The following MUC4 variants were observed in gnomAD, a reference collection of about 807,000 sequenced individuals.
The protein encoded by MUC4 is mucin-4.
MUC4 carries 202 observed loss-of-function variants against 257.9 expected under a neutral mutation model. The ratio of observed to expected loss-of-function variants is 0.78; its 90% confidence interval spans 0.70 to 0.88. The LOEUF (loss-of-function observed/expected upper bound fraction) is 0.88. MUC4 is among the 40% of genes least tolerant of loss of function. The pLI, the probability that MUC4 is intolerant of heterozygous loss-of-function variation, is 0.00. For synonymous variants in MUC4, 2,351 were observed against 2,757.1 expected, an observed-to-expected ratio of 0.85 and a Z score of 4.62; for missense variants, 5,976 against 6,513.7, an observed-to-expected ratio of 0.92 and a Z score of 2.84.
chr3:195,754,842 CATGT>C (rs982770435), intron 18 of MUC4, among the ~76,000 whole-genome samples: 13 of 151,332 alleles, frequency 8.6e-5, no homozygotes, highest in Middle Eastern at 3.2e-3. Context: ...GTGTATGTAT[CATGT>C]ATGTATCCAT....
intron 1 of MUC4, among the ~76,000 whole-genome samples, chr3:195,802,783 T>G (rs1735511995): frequency 6.6e-6 from 1 of 152,192 alleles, no homozygotes; most frequent in Non-Finnish European, 1.5e-5. Context: ...GCCAAGGGAT[T>G]TCTCGTTTCT....
At chr3:195,770,124 C>T in intron 6 of MUC4, 92 bp downstream of exon 6, 7 of 1,289,346 alleles carry the variant, frequency 5.4e-6, no homozygotes, top group Non-Finnish European at 7.2e-6. Flanking sequence ...TTCCTAGAGC[C>T]AGAGAGGATT....
At chr3:195,769,348 C>T (rs995664358) in intron 6 of MUC4, 196 bp from the exon 7 acceptor site, 9 of 678,230 alleles carry the variant, frequency 1.3e-5, no homozygotes, top group South Asian at 2.2e-5. Flanking sequence ...TGGGTGCGAA[C>T]GCACTTACCA....
intron 12 of MUC4, among the ~76,000 whole-genome samples, 157 bp from the exon 13 acceptor site, chr3:195,763,102 G>A (rs528911504): frequency 1.3e-5 from 2 of 152,384 alleles, no homozygotes; most frequent in East Asian, 1.9e-4. Context: ...GCCGTCTACC[G>A]TGTGCTCGGC....
rs201542091 is a variant in MUC4 at position 195,779,516 on chromosome 3, G to C, written c.12064C>G (p.Pro4022Ala). Residue 4022 changes from proline to alanine, a missense_variant, in exon 2 of 25, where the codon CCT becomes GCT. This residue lies in a region of MUC4 where 293 missense variants were observed against 294.5 expected (regional missense o/e 1.00). Coordinates refer to ENST00000463781, the MANE Select transcript of MUC4 (RefSeq NM_018406.7). ...GHATPLPVTS[P>A]SSASTGHATP... ...GCGTGACCTGTGGATGCTGAGGAAG[G>C]GCTGGTGACAGGAAGAGGGGTGGCG... 9.0e-5 allele frequency: 88 copies of C among 976,100 alleles called. 18 individuals carry two copies. In the African/African-American group the frequency reaches 1.7e-3, roughly 19 times the overall value. 60.5% of individuals were successfully genotyped at this position (976,100 alleles called of 1,614,324 possible).
At chr3:195,804,917 C>A (rs2550255) in intron 1 of MUC4, among the ~76,000 whole-genome samples, 1 of 151,824 alleles carries the variant, frequency 6.6e-6, no homozygotes, top group Non-Finnish European at 1.5e-5. Flanking sequence ...GAATAACAGA[C>A]CTCTTGTGAT....
Position 195,788,958 on chromosome 3 carries a change from G to T in MUC4, c.2622C>A (p.Pro874=). ...ASSIVPGTFH[P]TLSEASTAGR... ...CTGCAGTGGAGGCCTCAGAGAGGGT[G>T]GGATGAAAGGTGCCGGGGACGATCG... The change falls in exon 2 of 25, where the codon CCC becomes CCA. Residue 874 remains proline (P), a synonymous_variant. Transcript: ENST00000463781. 6.2e-7 allele frequency: 1 copy of T among 1,613,642 alleles called. No homozygotes were observed. The highest frequency in any genetic ancestry group is 8.5e-7 in the Non-Finnish European group (1 of 1,179,742).
intron 7 of MUC4, among the ~76,000 whole-genome samples, chr3:195,767,921 GCCACCT>G (rs1721911584): frequency 1.5e-5 from 1 of 65,960 alleles, no homozygotes; most frequent in Non-Finnish European, 3.3e-5. Flanking sequence ...CATCGCCACT[GCCACCT>G]CCACCGCCAC....
Position 195,791,172 on chromosome 3 carries a change from C to A in MUC4, c.408G>T (p.Lys136Asn). ...CTGTGGAGGTTGTCATTGTTATAGT[C>A]TTTGATGTCATCATGAGTGTGTTGG... is the stretch of plus-strand genomic sequence containing the variant. The part of the protein sequence containing the change: ...SVTNTLMMTS[K>N]TITMTTSTDS... Residue 136 changes from lysine to asparagine, a missense_variant, in exon 2 of 25, where the codon AAG (lysine) becomes AAT (asparagine). Around this residue, in one of 44 missense-constraint regions of MUC4, gnomAD observed 1,583 missense variants for 1,257.4 expected, o/e 1.26. Coordinates refer to ENST00000463781, the MANE Select transcript of MUC4 (RefSeq NM_018406.7). The A allele has an allele frequency of 6.2e-7, 1 of 1,613,858 alleles. No homozygotes were observed. Among genetic ancestry groups the A allele is most frequent in the South Asian group, 1.1e-5 (1 of 91,082 alleles).
chr3:195,780,485 C>A lies in MUC4; in HGVS notation c.11095G>T (p.Val3699Phe), dbSNP rs1727084477. 1 of 1,527,970 alleles carries A rather than the reference C, an allele frequency of 6.5e-7. No individual in the cohort carries two copies. 94.7% of individuals were successfully genotyped at this position (1,527,970 alleles called of 1,614,324 possible). The stretch of plus-strand genomic sequence containing the variant: ...GAGGATGATGAGGAAGGGATGGTGA[C>A]AGGAAGAGGGGTGGCCTGACCTGTG... ...ASTGQATPLP[V>F]TIPSSSSSGH... Residue 3699 changes from valine (V) to phenylalanine (F), a missense_variant, in exon 2 of 25, where the codon GTC becomes TTC. By Grantham distance (50) the Val-to-Phe change is conservative. This residue lies in a region of MUC4 where 330 missense variants were observed against 262.0 expected (regional missense o/e 1.26). Transcript: ENST00000463781.
Position 195,747,226 on chromosome 3 carries a change from A to G in MUC4, c.16189T>C (p.Ser5397Pro). Residue 5397 changes from serine to proline, a missense_variant, in exon 25 of 25, where the codon TCC (serine) becomes CCC (proline). Ser to Pro is a moderately conservative substitution (Grantham distance 74). This residue lies in a region of MUC4 where 310 missense variants were observed against 242.1 expected (regional missense o/e 1.28). Coordinates refer to ENST00000463781, the MANE Select transcript of MUC4 (RefSeq NM_018406.7). ...TFVVLRFWGCSGARFSYFLNS... is the reference protein window; with the variant it reads ...TFVVLRFWGCPGARFSYFLNS... ...AGGAAATAGGAGAACCTGGCCCCGG[A>G]GCAACCCCAGAAGCGCAGGACCACG... 6.2e-7 allele frequency: 1 copy of G among 1,614,268 alleles called. No individual in the cohort carries two copies. Among genetic ancestry groups the G allele is most frequent in the Non-Finnish European group, 8.5e-7 (1 of 1,180,046 alleles).
intron 5 of MUC4, chr3:195,770,875 A>AC (rs1257741402): frequency 4.4e-6 from 2 of 456,986 alleles, no homozygotes; most frequent in Admixed American, 4.7e-5. Context: ...GTTAGGATAG[A>AC]CCCCCTACAG....
rs1040858072 is a variant in MUC4, at chr3:195,755,202, C to CT, written c.15169-831dup. 2.8e-4 allele frequency among the ~76,000 whole-genome samples: 41 copies of CT among 145,548 alleles called. No homozygotes were observed. Among genetic ancestry groups the CT allele is most frequent in the Non-Finnish European group, 3.7e-4 (24 of 65,660 alleles). On this transcript the variant is annotated intron_variant, in intron 18 of 24. Transcript: ENST00000463781. This position sits in a 1 kb window ranked among gnomAD's most constrained non-coding sequence, Gnocchi z 5.0. ...CACTAATTTTTGTATTTTTCTTCTG[C>CT]TTTTTTTTTTAATGAGACAGTCTCG... is the stretch of plus-strand genomic sequence containing the variant.
intron 1 of MUC4, among the ~76,000 whole-genome samples, chr3:195,805,217 C>T (rs1348622292): frequency 1.3e-5 from 2 of 152,116 alleles, no homozygotes; most frequent in Non-Finnish European, 2.9e-5. Context: ...CCAACGATCC[C>T]CGCCGAAGTC....
intron 7 of MUC4, among the ~76,000 whole-genome samples, chr3:195,767,445 C>T (rs1423586263): frequency 1.4e-5 from 2 of 146,982 alleles, no homozygotes; most frequent in Admixed American, 1.4e-4. Context: ...TCACCATCAC[C>T]ACCACCACCA....
At chr3:195,770,704 T>A in intron 5 of MUC4, 1 of 431,870 alleles carries the variant, frequency 2.3e-6, no homozygotes, top group Non-Finnish European at 4.4e-6. Flanking sequence ...TGCAGCTTCT[T>A]GAGAACAGGC....
intron 21 of MUC4, 131 bp downstream of exon 21, chr3:195,752,242 A>G: frequency 1.2e-6 from 1 of 850,952 alleles, no homozygotes; most frequent in Non-Finnish European, 1.9e-6. Flanking sequence ...CCATGGGGCA[A>G]GAGGCTCCGG....
rs144203561 is a variant in MUC4 at position 195,754,214 on chromosome 3, C to T, written c.15327G>A (p.Ala5109=). The change falls in exon 19 of 25, where the codon GCG becomes GCA. Residue 5109 remains alanine, a splice_region_variant and synonymous_variant. Transcript: ENST00000463781. ...CTCCAGGCCCTGTTCCCGGCTCACC[C>T]GCACAGTGCCGCCCATCCCCAGTCA... ...PNLTGDGRHC[A]ALGSSFLCQN... 465 of 1,612,278 alleles carry T rather than the reference C, an allele frequency of 2.9e-4. No homozygotes were observed. Among genetic ancestry groups the T allele is most frequent in the Non-Finnish European group, 2.7e-4 (322 of 1,179,080 alleles).
chr3:195,772,731 T>TCTCTTCATCGCTCAGGGGTGTAGACAC (rs1560277157), intron 4 of MUC4, among the ~76,000 whole-genome samples: 1 of 49,972 alleles, frequency 2.0e-5, no homozygotes. Context: ...GGTGTAGACA[T>TCTCTTCATCGCTCAGGGGTGTAGACAC]CCTCTCTCCA....
Sources: gnomAD v4.1 joint callset for allele counts (sites outside exome capture counted in the v4.1 genomes callset) on GRCh38, gnomAD v4.1.1 for gene constraint, gnomAD v4.1.1 regional missense constraint, Gnocchi (gnomAD v3.1) non-coding constraint, MANE v1.5 for transcripts, NCBI Gene and HGNC (gene_info 2026-07-23, HGNC 2026-07-21) for gene names.